PHYHIPL: variants seen among roughly 807,000 people sequenced by gnomAD.
The protein encoded by PHYHIPL is phytanoyl-CoA 2-hydroxylase interacting protein like, also known as phytanoyl-CoA hydroxylase-interacting protein-like.
Under a neutral mutation model 33.4 loss-of-function variants are expected in PHYHIPL, and 9 were observed. That is an observed-to-expected ratio of 0.27 (90% CI 0.16 to 0.47). PHYHIPL has a LOEUF of 0.47. Ranked by LOEUF, PHYHIPL falls within the 20% of genes least tolerant of loss-of-function variation. PHYHIPL has a pLI of 0.99. For synonymous variants in PHYHIPL, 153 were observed against 154.1 expected, an observed-to-expected ratio of 0.99 and a Z score of 0.05; for missense variants, 365 against 460.7, an observed-to-expected ratio of 0.79 and a Z score of 1.90.
Position 59,224,610 on chromosome 10 carries a change from C to T in PHYHIPL, c.107-9694C>T, listed in dbSNP as rs1039289705. Among the ~76,000 whole-genome samples, 105 of 152,220 alleles carry T rather than the reference C, an allele frequency of 6.9e-4. 1 individual carries two copies. Among genetic ancestry groups the T allele is most frequent in the African/African-American group, 2.5e-3 (102 of 41,538 alleles). On this transcript the variant is annotated intron_variant, in intron 1 of 4. Transcript: ENST00000373880. ...CAAGTCATAGAGAAGTTTTCATTGG[C>T]CTTCTGTTAAATTAGACAAATCCAG...
intron 1 of PHYHIPL, among the ~76,000 whole-genome samples, chr10:59,200,669 T>G (rs1839074730): frequency 6.6e-6 from 1 of 152,196 alleles, no homozygotes; most frequent in South Asian, 2.1e-4. Context: ...AGAATTCGGC[T>G]GTGAATCCAT....
chr10:59,234,194 A>G, intron 1 of PHYHIPL, 110 bp from the exon 2 acceptor site: 1 of 826,880 alleles, frequency 1.2e-6, no homozygotes, highest in Non-Finnish European at 1.8e-6. Context: ...AGTAAAGATG[A>G]TAAGGAGTAA....
At chr10:59,221,798 G>C (rs1839785111) in intron 1 of PHYHIPL, 2 of 586,204 alleles carry the variant, frequency 3.4e-6, no homozygotes. Context: ...GATTCTTTCA[G>C]ATATTAGTGT....
rs1386722635 is a variant in PHYHIPL, at chr10:59,245,377, A to C, written c.917A>C (p.Lys306Thr). The C allele has an allele frequency of 6.2e-7, 1 of 1,614,150 alleles. No individual in the cohort carries two copies. Among genetic ancestry groups the C allele is most frequent in the South Asian group, 1.1e-5 (1 of 91,084 alleles). Residue 306 changes from lysine to threonine, a missense_variant, in exon 5 of 5, where the codon AAG (lysine) becomes ACG (threonine). By Grantham distance (78) the Lys-to-Thr change is moderately conservative. Around this residue, in one of 4 missense-constraint regions of PHYHIPL, gnomAD observed 196 missense variants for 224.9 expected, o/e 0.87. Coordinates refer to ENST00000373880, the MANE Select transcript of PHYHIPL (RefSeq NM_032439.4). ...CKQRLPQLNS[K>T]DNKFLTCTEE... ...CAGCGCCTTCCTCAACTAAATTCTA[A>C]GGATAATAAATTTTTGACCTGTACA...
chr10:59,175,202 C>A (rs1459821315), upstream of PHYHIPL, among the ~76,000 whole-genome samples: 1 of 152,180 alleles, frequency 6.6e-6, no homozygotes, highest in Admixed American at 6.5e-5. Flanking sequence ...TACCTTAAGA[C>A]AAGAATTCTT....
At position 59,229,330 on chromosome 10, in the gene PHYHIPL, C is replaced by A. The variant is rs546405487; in HGVS notation, c.107-4974C>A. 6.7e-4 allele frequency among the ~76,000 whole-genome samples: 102 copies of A among 152,212 alleles called. 1 individual carries two copies. In the South Asian group the frequency reaches 0.021, roughly 31 times the overall value. Reference sequence around the variant, plus strand: ...ATTGTATATTCATCAGGTAAATACACATGTATACATCTATAACGAGAAGAG... The same window carrying A: ...ATTGTATATTCATCAGGTAAATACAAATGTATACATCTATAACGAGAAGAG... On this transcript the variant is annotated intron_variant, in intron 1 of 4. Transcript: ENST00000373880.
At chr10:59,214,647 A>G (rs1430906613) in intron 1 of PHYHIPL, among the ~76,000 whole-genome samples, 1 of 152,070 alleles carries the variant, frequency 6.6e-6, no homozygotes, top group African/African-American at 2.4e-5. Context: ...ATATAAATAC[A>G]AGATGGTGTT....
chr10:59,214,899 G>T (rs545430135), intron 1 of PHYHIPL, among the ~76,000 whole-genome samples: 14 of 151,884 alleles, frequency 9.2e-5, no homozygotes, highest in Non-Finnish European at 1.9e-4. Context: ...TCTAGACAGG[G>T]CAGATAACAA....
chr10:59,215,673 T>A (rs991254373), intron 1 of PHYHIPL, among the ~76,000 whole-genome samples: 2 of 151,974 alleles, frequency 1.3e-5, no homozygotes, highest in Non-Finnish European at 2.9e-5. Flanking sequence ...ATAAGGAATT[T>A]ATGGAGAATG....
intron 1 of PHYHIPL, among the ~76,000 whole-genome samples, chr10:59,198,907 A>T (rs1839009828): frequency 6.6e-6 from 1 of 151,496 alleles, no homozygotes; most frequent in South Asian, 2.1e-4. Flanking sequence ...GGTTTGTTTG[A>T]TTTTTTTCTT....
intron 1 of PHYHIPL, among the ~76,000 whole-genome samples, chr10:59,190,354 T>C (rs1279983959): frequency 6.6e-6 from 1 of 151,940 alleles, no homozygotes; most frequent in Non-Finnish European, 1.5e-5. Flanking sequence ...AAGAGAAATA[T>C]TCAGATTTTT....
chr10:59,220,899 A>G (rs1839752670), intron 1 of PHYHIPL, among the ~76,000 whole-genome samples: 1 of 152,090 alleles, frequency 6.6e-6, no homozygotes, highest in South Asian at 2.1e-4. Flanking sequence ...AAATATGATA[A>G]CTAAAAAATT....
intron 1 of PHYHIPL, among the ~76,000 whole-genome samples, chr10:59,191,037 A>T (rs1356852903): frequency 6.6e-6 from 1 of 151,860 alleles, no homozygotes; most frequent in African/African-American, 2.4e-5. Flanking sequence ...TTTTTATGTT[A>T]TCTATTTTCC....
At chr10:59,244,070 T>C (rs1238377722) in intron 4 of PHYHIPL, among the ~76,000 whole-genome samples, 4 of 152,070 alleles carry the variant, frequency 2.6e-5, no homozygotes, top group African/African-American at 9.7e-5. Context: ...CTCCTCCTAC[T>C]CTATATATGC....
At chr10:59,211,664 TAAAAAAA>T (rs58992023) in intron 1 of PHYHIPL, among the ~76,000 whole-genome samples, 3 of 74,102 alleles carry the variant, frequency 4.0e-5, no homozygotes, top group African/African-American at 8.7e-5. Context: ...GCGGACTCTC[TAAAAAAA>T]AAAAAAAAAA....
intron 1 of PHYHIPL, among the ~76,000 whole-genome samples, chr10:59,213,201 C>T (rs1200376446): frequency 1.3e-5 from 2 of 151,920 alleles, no homozygotes; most frequent in Admixed American, 1.3e-4. Flanking sequence ...TTCTCCAATG[C>T]ACTTTCTTCA....
At position 59,203,997 on chromosome 10, in the gene PHYHIPL, G is replaced by C. The variant is rs138093603; in HGVS notation, c.106+27038G>C. Among the ~76,000 whole-genome samples the C allele has an allele frequency of 1.8e-3, 273 of 152,136 alleles. 1 individual carries two copies. Among genetic ancestry groups the C allele is most frequent in the African/African-American group, 5.8e-3 (241 of 41,504 alleles). On this transcript the variant is annotated intron_variant, in intron 1 of 4. Coordinates refer to ENST00000373880, the MANE Select transcript of PHYHIPL (RefSeq NM_032439.4). ...GGGTTATTTTCCGTTTACTAGAAAGGGAGTAAAAGAAGCCTAAAGGATTAC... is the reference window on the plus strand; with the variant it reads ...GGGTTATTTTCCGTTTACTAGAAAGCGAGTAAAAGAAGCCTAAAGGATTAC...
intron 1 of PHYHIPL, among the ~76,000 whole-genome samples, chr10:59,183,293 T>C (rs965624321): frequency 1.3e-5 from 2 of 152,218 alleles, no homozygotes; most frequent in African/African-American, 4.8e-5. Context: ...GATTGTTGAA[T>C]CTAAGGAGAC....
rs751479811 is a variant in PHYHIPL at position 59,245,407 on chromosome 10, A to T, written c.947A>T (p.Glu316Val). 1.6e-5 allele frequency: 26 copies of T among 1,614,138 alleles called. No individual in the cohort carries two copies. Among genetic ancestry groups the T allele is most frequent in the Non-Finnish European group, 2.2e-5 (26 of 1,180,020 alleles). ...KDNKFLTCTE[E>V]DGVLVYHHAQ... ...AATAAATTTTTGACCTGTACAGAAGAAGATGGGGTGCTGGTTTACCACCAT... is the reference window on the plus strand; with the variant it reads ...AATAAATTTTTGACCTGTACAGAAGTAGATGGGGTGCTGGTTTACCACCAT... The change falls in exon 5 of 5, where the codon GAA becomes GTA. Residue 316 changes from glutamate (E) to valine (V), a missense_variant. By Grantham distance (121) the Glu-to-Val change is moderately radical. Around this residue, in one of 4 missense-constraint regions of PHYHIPL, gnomAD observed 196 missense variants for 224.9 expected, o/e 0.87. Coordinates refer to ENST00000373880, the MANE Select transcript of PHYHIPL (RefSeq NM_032439.4).
Sources: allele counts gnomAD v4.1 joint callset (sites outside exome capture counted in the v4.1 genomes callset), GRCh38; gene constraint gnomAD v4.1.1; regional missense constraint gnomAD v4.1.1; transcripts MANE v1.5; gene names NCBI Gene and HGNC (gene_info 2026-07-23, HGNC 2026-07-21).